ACSF2: variants seen among roughly 807,000 people sequenced by gnomAD.
ACSF2 encodes acyl-CoA synthetase family member 2, also known as medium-chain acyl-CoA ligase ACSF2, mitochondrial.
Under a neutral mutation model 79.3 loss-of-function variants are expected in ACSF2, and 52 were observed. The observed-to-expected ratio is 0.66, with a 90% CI of 0.53 to 0.83. The LOEUF is 0.83. ACSF2 is among the 40% of genes least tolerant of loss of function. The probability of loss-of-function intolerance (pLI) is 0.00; values close to 1 mark genes in which losing one functional copy is unlikely to be tolerated. For missense variants in ACSF2, 661 were observed against 803.3 expected (o/e 0.82, Z 2.14); for synonymous variants, 283 against 312.6 (o/e 0.91, Z 1.00).
In ACSF2 at chr17:50,463,054, A is replaced by G. The variant is rs2032447061; in HGVS notation, c.793-102A>G. ...CTGAACAGATGGATCTGGGGCAACA[A>G]TCCCTGTCTCCTGATTCCCGGTCCC... is the stretch of plus-strand genomic sequence containing the variant. On this transcript the variant is annotated intron_variant, in intron 6 of 15. Transcript: ENST00000300441. This position sits in a 1 kb window ranked among gnomAD's most constrained non-coding sequence, Gnocchi z 4.6. The G allele has an allele frequency of 1.1e-6, 1 of 946,420 alleles. No individual in the cohort carries two copies. Among genetic ancestry groups the G allele is most frequent in the Non-Finnish European group, 1.6e-6 (1 of 607,074 alleles). The allele number at this position is 946,420 out of a possible 1,614,324, so 58.6% of individuals were successfully genotyped here. A position where few individuals can be genotyped will look rare whatever the true frequency, so the allele number is the denominator to read the frequency against.
intron 12 of ACSF2, chr17:50,472,852 T>C: frequency 2.9e-6 from 1 of 349,580 alleles, no homozygotes. Context: ...CTTACTAGAA[T>C]TCCTTATGTG....
intron 1 of ACSF2, among the ~76,000 whole-genome samples, chr17:50,432,612 C>T (rs1350162148): frequency 2.6e-5 from 4 of 152,292 alleles, no homozygotes; most frequent in East Asian, 1.9e-4. Flanking sequence ...GTTCTAATAA[C>T]GAAGGGTAGG....
intron 1 of ACSF2, among the ~76,000 whole-genome samples, chr17:50,437,311 G>A (rs1042060129): frequency 2.0e-5 from 3 of 152,210 alleles, no homozygotes; most frequent in African/African-American, 7.2e-5. Context: ...TATGAGTACA[G>A]CATGTGAATT....
intron 1 of ACSF2, among the ~76,000 whole-genome samples, chr17:50,442,603 C>T (rs1395289207): frequency 6.6e-6 from 1 of 151,978 alleles, no homozygotes; most frequent in Non-Finnish European, 1.5e-5. Context: ...GTAGCTGGGA[C>T]CACAGGTGCA....
chr17:50,467,563 C>A (rs1041752021), intron 10 of ACSF2, among the ~76,000 whole-genome samples: 2 of 152,188 alleles, frequency 1.3e-5, no homozygotes, highest in African/African-American at 4.8e-5. Flanking sequence ...TCCCCCTTAG[C>A]ACACATGCAC....
At chr17:50,449,651 T>A (rs1435897599) in intron 1 of ACSF2, among the ~76,000 whole-genome samples, 5 of 149,596 alleles carry the variant, frequency 3.3e-5, no homozygotes, top group Admixed American at 3.3e-4. Context: ...CCTGACCTCA[T>A]GATCCACCCG....
intron 1 of ACSF2, among the ~76,000 whole-genome samples, chr17:50,431,029 A>G (rs1451115589): frequency 6.6e-6 from 1 of 152,246 alleles, no homozygotes; most frequent in Admixed American, 6.5e-5. Flanking sequence ...TGGAAGTGTT[A>G]TGGGTGGTAA....
chr17:50,462,597 G>T lies in ACSF2; in HGVS notation c.792+12G>T. 6.2e-7 allele frequency: 1 copy of T among 1,609,320 alleles called. No individual in the cohort carries two copies. The highest frequency in any genetic ancestry group is 1.7e-5 in the Admixed American group (1 of 59,902). On this transcript the variant is annotated intron_variant, in intron 6 of 15. Transcript: ENST00000300441. Reference sequence around the variant, plus strand: ...TCCAGTTCACCTCGGTAGGGCAGAGGTCTCCAGGCCCCAAGCCCAGATGGA... The same window carrying T: ...TCCAGTTCACCTCGGTAGGGCAGAGTTCTCCAGGCCCCAAGCCCAGATGGA...
At chr17:50,465,596 T>C in intron 10 of ACSF2, 1 of 1,487,748 alleles carries the variant, frequency 6.7e-7, no homozygotes, top group Non-Finnish European at 9.2e-7. Flanking sequence ...CAGGGTCCCA[T>C]GCTTATTAGG....
chr17:50,460,046 G>A (rs1313689218), intron 1 of ACSF2, among the ~76,000 whole-genome samples: 1 of 152,126 alleles, frequency 6.6e-6, no homozygotes, highest in Non-Finnish European at 1.5e-5. Flanking sequence ...TGGCATATAG[G>A]GGCTTTCTTC....
intron 10 of ACSF2, chr17:50,465,196 C>T: frequency 7.0e-7 from 1 of 1,426,724 alleles, no homozygotes; most frequent in South Asian, 1.3e-5. Flanking sequence ...GGAGGGTCTG[C>T]CTGACCCTCC....
At position 50,436,878 on chromosome 17, in the gene ACSF2, A is replaced by G. The variant is rs568658417; in HGVS notation, c.128+10489A>G. Among the ~76,000 whole-genome samples, 139 of 152,324 alleles carry G rather than the reference A, an allele frequency of 9.1e-4. 1 individual carries two copies. The highest frequency in any genetic ancestry group is 3.2e-3 in the African/African-American group (135 of 41,562). ...TGTCACAACAGCACCTTTGTCTTGA[A>G]CAATAGTTGCACATTGTAACTAGTA... On this transcript the variant is annotated intron_variant, in intron 1 of 15. Coordinates refer to ENST00000300441, the MANE Select transcript of ACSF2 (RefSeq NM_025149.6).
In ACSF2 at chr17:50,431,435, G is replaced by T. The variant is rs556739443; in HGVS notation, c.128+5046G>T. On this transcript the variant is annotated intron_variant, in intron 1 of 15. Transcript: ENST00000300441. ...AGGAATCTGGTTTGTGGAAATGGGA[G>T]GGGGAGACTTCCCAAAGAGCCTGGG... Among the ~76,000 whole-genome samples the T allele has an allele frequency of 1.6e-3, 250 of 152,266 alleles. 2 individuals are homozygous for T. The highest frequency in any genetic ancestry group is 3.4e-3 in the Middle Eastern group (1 of 294).
intron 10 of ACSF2, 52 bp downstream of exon 10, chr17:50,464,346 G>A (rs898455): frequency 0.54 from 847,926 of 1,560,438 alleles, 237,150 homozygotes; most frequent in African/African-American, 0.81. Flanking sequence ...TGGGATGACA[G>A]CAGATGGACA....
chr17:50,468,128 T>C (rs1463759406), intron 10 of ACSF2: 1 of 1,614,062 alleles, frequency 6.2e-7, no homozygotes, highest in Non-Finnish European at 8.5e-7. Flanking sequence ...TTTCAGGGGG[T>C]TGTGGGACAG....
chr17:50,460,845 G>A lies in ACSF2; in HGVS notation c.297G>A (p.Arg99=). ...EALVVLHEDV[R]LTFAQLKEEV... is the part of the protein sequence containing the mutation. ...TGGTCGTCCTCCATGAAGACGTCAG[G>A]TTGACCTTTGCCCAACTCAAGGAGG... is the stretch of plus-strand genomic sequence containing the variant. The change falls in exon 2 of 16, where the codon AGG becomes AGA. Residue 99 remains arginine (R), a synonymous_variant. Transcript: ENST00000300441. 6.2e-7 allele frequency: 1 copy of A among 1,610,798 alleles called. No homozygotes were observed. The highest frequency in any genetic ancestry group is 1.3e-5 in the African/African-American group (1 of 74,980).
intron 10 of ACSF2, among the ~76,000 whole-genome samples, chr17:50,469,393 C>G (rs1343348911): frequency 2.0e-5 from 3 of 152,184 alleles, no homozygotes; most frequent in African/African-American, 7.2e-5. Context: ...GCGGCGCCTG[C>G]CGAGCGTGAG....
intron 1 of ACSF2, among the ~76,000 whole-genome samples, chr17:50,434,772 A>G (rs1350122864): frequency 6.6e-6 from 1 of 151,718 alleles, no homozygotes; most frequent in African/African-American, 2.4e-5. Context: ...GGTATTTTTC[A>G]GAGGTCACAT....
Position 50,474,411 on chromosome 17 carries a change from TC to T in ACSF2, c.1798-88del. ...CTAATCCTGGTTTGCCTGGGGACTTTCCCTGTTTTGGCACTAAGAGCCTGAG... is the reference window on the plus strand; with the variant it reads ...CTAATCCTGGTTTGCCTGGGGACTTTCCTGTTTTGGCACTAAGAGCCTGAG... On this transcript the variant is annotated intron_variant, in intron 15 of 15. Coordinates refer to ENST00000300441, the MANE Select transcript of ACSF2 (RefSeq NM_025149.6). This position sits in a 1 kb window ranked among gnomAD's most constrained non-coding sequence, Gnocchi z 4.2. The T allele has an allele frequency of 6.5e-7, 1 of 1,530,312 alleles. No individual in the cohort carries two copies. The highest frequency in any genetic ancestry group is 9.0e-7 in the Non-Finnish European group (1 of 1,106,224). 94.8% of individuals were successfully genotyped at this position (1,530,312 alleles called of 1,614,324 possible). A position where few individuals can be genotyped will look rare whatever the true frequency, so the allele number is the denominator to read the frequency against.
Sources: allele counts gnomAD v4.1 joint callset (sites outside exome capture counted in the v4.1 genomes callset), GRCh38; gene constraint gnomAD v4.1.1; non-coding constraint Gnocchi (gnomAD v3.1); transcripts MANE v1.5; gene names NCBI Gene and HGNC (gene_info 2026-07-23, HGNC 2026-07-21).